The following COL21A1 variants were observed in gnomAD, a reference collection of about 807,000 sequenced individuals.
COL21A1 encodes the protein collagen type XXI alpha 1 chain, also known as collagen alpha-1(XXI) chain.
COL21A1 carries 149 observed loss-of-function variants against 137.9 expected under a neutral mutation model. The ratio of observed to expected loss-of-function variants is 1.08; its 90% CI spans 0.95 to 1.24. The LOEUF (loss-of-function observed/expected upper bound fraction) is 1.24, where lower values mean the gene tolerates loss of function less well. COL21A1 is among the 50% of genes most tolerant of loss of function. COL21A1 has a pLI of 0.00. For missense variants in COL21A1, 1,167 were observed against 1,158.4 expected, an observed-to-expected ratio of 1.01 and a Z score of -0.11; for synonymous variants, 456 against 391.5, an observed-to-expected ratio of 1.16 and a Z score of -1.95.
chr6:56,150,102 C>T (rs929768367), intron 10 of COL21A1, among the ~76,000 whole-genome samples: 2 of 152,072 alleles, frequency 1.3e-5, no homozygotes, highest in Admixed American at 1.3e-4. Flanking sequence ...TCATCAGTCA[C>T]GTAACTTTGA....
intron 1 of COL21A1, among the ~76,000 whole-genome samples, chr6:56,265,884 A>G (rs1763379311): frequency 6.6e-6 from 1 of 152,090 alleles, no homozygotes; most frequent in South Asian, 2.1e-4. Context: ...CAAAAGCTTT[A>G]GAAGAAAATT....
At chr6:56,166,762 T>A in intron 7 of COL21A1, 144 bp downstream of exon 7, 1 of 727,106 alleles carries the variant, frequency 1.4e-6, no homozygotes, top group South Asian at 1.5e-5. Flanking sequence ...TATGTTTTGC[T>A]TCATGTAACT....
At chr6:56,152,880 C>A (rs1188653151) in intron 10 of COL21A1, among the ~76,000 whole-genome samples, 1 of 152,108 alleles carries the variant, frequency 6.6e-6, no homozygotes, top group Non-Finnish European at 1.5e-5. Flanking sequence ...GGAGTCAGTA[C>A]AGCACTTCAG....
At chr6:56,124,957 G>A (rs979970813) in intron 14 of COL21A1, among the ~76,000 whole-genome samples, 19 of 141,722 alleles carry the variant, frequency 1.3e-4, no homozygotes, top group African/African-American at 5.0e-4. Context: ...CAGTGGACAC[G>A]GTTTTTAAGC....
At chr6:56,289,695 C>A (rs940763708) in intron 1 of COL21A1, among the ~76,000 whole-genome samples, 2 of 152,166 alleles carry the variant, frequency 1.3e-5, no homozygotes, top group South Asian at 2.1e-4. Flanking sequence ...GGAATACCAA[C>A]CTGGAGAGTC....
Position 56,124,233 on chromosome 6 carries a change from AC to A in COL21A1, c.1704+5del, listed in dbSNP as rs756234508. On this transcript the variant is annotated splice_donor_5th_base_variant and intron_variant, in intron 15 of 29. Coordinates refer to ENST00000244728, the MANE Select transcript of COL21A1 (RefSeq NM_030820.4). ...AATACTAAGAGCTTTTTTCTATCAA[AC>A]TCACAGCAGGTCCAGGGAGGCCAGG... is the stretch of plus-strand genomic sequence containing the variant. 1.9e-6 allele frequency: 3 copies of A among 1,595,746 alleles called. No homozygotes were observed. The African/African-American group carries it at 4.0e-5, about 21-fold the overall frequency.
chr6:56,327,953 A>G (rs1765133124), intron 1 of COL21A1, among the ~76,000 whole-genome samples: 1 of 152,088 alleles, frequency 6.6e-6, no homozygotes, highest in South Asian at 2.1e-4. Flanking sequence ...GTTTGGAATC[A>G]GGCTAACATA....
chr6:56,290,499 A>ATTTTTTTTTT (rs1268560590), intron 1 of COL21A1, among the ~76,000 whole-genome samples: 2 of 139,968 alleles, frequency 1.4e-5, no homozygotes, highest in Non-Finnish European at 1.5e-5. Context: ...CACTTAGGAG[A>ATTTTTTTTTT]TTTTTTTTTT....
Position 56,059,216 on chromosome 6 carries a change from CT to C in COL21A1, c.2634del (p.Ser880AlafsTer24), listed in dbSNP as rs1402825108. On this transcript the variant is annotated frameshift_variant, in exon 29 of 30. Coordinates refer to ENST00000244728, the MANE Select transcript of COL21A1 (RefSeq NM_030820.4). LOFTEE classifies it high-confidence loss of function. ...CCAGGATACCCAAACCCTTGGCTCC[CT>C]TTTTCCCCATTTCTTCCTGGTAGGC... ...LKGLPGRNGEKGSQGFGYPGE... is the reference protein window; with the variant it reads ...LKGLPGRNGEXGSQGFGYPGE... The C allele has an allele frequency of 7.5e-6, 12 of 1,605,956 alleles. No homozygotes were observed. The highest frequency in any genetic ancestry group is 6.9e-5 in the Admixed American group (4 of 57,890).
At chr6:56,291,365 A>G (rs923172305) in intron 1 of COL21A1, among the ~76,000 whole-genome samples, 1 of 152,202 alleles carries the variant, frequency 6.6e-6, no homozygotes, top group Non-Finnish European at 1.5e-5. Context: ...TGGAAAAAAA[A>G]CTGCAAACTG....
intron 1 of COL21A1, among the ~76,000 whole-genome samples, chr6:56,293,424 A>G (rs140127936): frequency 2.0e-4 from 31 of 152,188 alleles, no homozygotes; most frequent in Middle Eastern, 3.4e-3. Flanking sequence ...GAATGAGCTG[A>G]TGAATAAATA....
In COL21A1 at chr6:56,166,896, T is replaced by C; in HGVS notation, c.1278+10A>G. 1.2e-6 allele frequency: 2 copies of C among 1,607,674 alleles called. No individual in the cohort carries two copies. The highest frequency in any genetic ancestry group is 1.7e-6 in the Non-Finnish European group (2 of 1,175,816). ...CAACATCTGGGAAAAAAACAATCCC[T>C]CCTACTTACAAATCCAGGAATCTCA... On this transcript the variant is annotated intron_variant, in intron 7 of 29. Coordinates refer to ENST00000244728, the MANE Select transcript of COL21A1 (RefSeq NM_030820.4).
chr6:56,259,902 G>A lies in COL21A1; in HGVS notation c.-38-77246C>T, dbSNP rs527888918. 2.6e-5 allele frequency among the ~76,000 whole-genome samples: 4 copies of A among 152,322 alleles called. No individual in the cohort carries two copies. In the East Asian group the frequency reaches 7.7e-4, roughly 29 times the overall value. ...TAAAGAAACACATGGCACACAGCCAGTTCAGCCTTTGCTTTCTATGCTGTA... is the reference window on the plus strand; with the variant it reads ...TAAAGAAACACATGGCACACAGCCAATTCAGCCTTTGCTTTCTATGCTGTA... On this transcript the variant is annotated intron_variant, in intron 1 of 28. Transcript: ENST00000370819.
At chr6:56,129,699 T>TGTGTGTGAGAGA (rs1450514214) in intron 12 of COL21A1, among the ~76,000 whole-genome samples, 10 of 120,518 alleles carry the variant, frequency 8.3e-5, no homozygotes, top group African/African-American at 1.5e-4. Context: ...TGTGTGTGTG[T>TGTGTGTGAGAGA]GAGAGAGAGA....
chr6:56,350,532 A>G (rs1261848079), intron 1 of COL21A1, among the ~76,000 whole-genome samples: 1 of 152,256 alleles, frequency 6.6e-6, no homozygotes, highest in African/African-American at 2.4e-5. Flanking sequence ...TGAATAAACA[A>G]AAGGTAAACT....
rs144279377 is a variant in COL21A1 at position 56,120,659 on chromosome 6, T to C, written c.1758+3403A>G. Among the ~76,000 whole-genome samples the C allele has an allele frequency of 3.9e-3, 596 of 152,254 alleles. 11 individuals carry two copies. Among genetic ancestry groups the C allele is most frequent in the African/African-American group, 0.014 (570 of 41,542 alleles). The stretch of plus-strand genomic sequence containing the variant: ...AAATACAAAAATTAGCCGGGCATCA[T>C]GGCAGTTGCCTGTAATCCCTGCTAC... On this transcript the variant is annotated intron_variant, in intron 16 of 29. Coordinates refer to ENST00000244728, the MANE Select transcript of COL21A1 (RefSeq NM_030820.4).
Position 56,156,907 on chromosome 6 carries a change from G to T in COL21A1, c.1414C>A (p.Pro472Thr), listed in dbSNP as rs760170755. The change falls in exon 10 of 30, where the codon CCT becomes ACT. Residue 472 changes from proline to threonine, a missense_variant. Physicochemically the swap from Pro to Thr is conservative, Grantham distance 38. Coordinates refer to ENST00000244728, the MANE Select transcript of COL21A1 (RefSeq NM_030820.4). ...LPGNPGYPGQ[P>T]GQDGKPGYQG... ...CTCACAGGCTTACCATCTTGACCAG[G>T]TTGTCCAGGGTAGCCAGGGTTCCCA... 3.1e-6 allele frequency: 5 copies of T among 1,612,154 alleles called. No homozygotes were observed. Among genetic ancestry groups the T allele is most frequent in the Non-Finnish European group, 4.2e-6 (5 of 1,179,242 alleles).
At chr6:56,260,404 C>T (rs1763222435) in intron 1 of COL21A1, among the ~76,000 whole-genome samples, 1 of 151,294 alleles carries the variant, frequency 6.6e-6, no homozygotes, top group Non-Finnish European at 1.5e-5. Context: ...CGAAACCCTG[C>T]CTCTATAAAA....
At chr6:56,210,235 C>A (rs1360781075) in intron 1 of COL21A1, among the ~76,000 whole-genome samples, 3 of 151,876 alleles carry the variant, frequency 2.0e-5, no homozygotes, top group South Asian at 4.2e-4. Context: ...TGCACATGTA[C>A]CCCCAAACTT....
Sources: allele counts gnomAD v4.1 joint callset (sites outside exome capture counted in the v4.1 genomes callset), GRCh38; gene constraint gnomAD v4.1.1; transcripts MANE v1.5; gene names NCBI Gene and HGNC (gene_info 2026-07-23, HGNC 2026-07-21).